Variants in CGNL1 observed in about 807,000 individuals in gnomAD.
The protein encoded by CGNL1 is cingulin like 1, also known as cingulin-like protein 1.
CGNL1 carries 132 observed loss-of-function variants against 141.2 expected under a neutral mutation model. The observed-to-expected ratio is 0.93, with a 90% CI of 0.81 to 1.08. The LOEUF (loss-of-function observed/expected upper bound fraction) is 1.08, where lower values mean the gene tolerates loss of function less well. Among genes scored for constraint, CGNL1 ranks in the 50% least tolerant of loss-of-function variants. The pLI is 0.00. For missense variants in CGNL1, 1,870 were observed against 1,588.6 expected, an observed-to-expected ratio of 1.18 and a Z score of -3.01; for synonymous variants, 690 against 622.1, an observed-to-expected ratio of 1.11 and a Z score of -1.63.
chr15:57,388,695 C>T (rs1165879693), intron 1 of CGNL1, among the ~76,000 whole-genome samples: 1 of 152,230 alleles, frequency 6.6e-6, no homozygotes, highest in African/African-American at 2.4e-5. Context: ...TGTTACTGGA[C>T]TCTGAAGAAA....
chr15:57,448,586 T>G lies in CGNL1; in HGVS notation c.1804-2914T>G, dbSNP rs2063285263. Reference sequence around the variant, plus strand: ...TTGTTTGAACCCAGAAGATAGAGGTTGCAGTGAGCCAAGATCTGGCCAATG... The same window carrying G: ...TTGTTTGAACCCAGAAGATAGAGGTGGCAGTGAGCCAAGATCTGGCCAATG... On this transcript the variant is annotated intron_variant, in intron 4 of 18. Transcript: ENST00000281282. Among the ~76,000 whole-genome samples, 3 of 151,898 alleles carry G rather than the reference T, an allele frequency of 2.0e-5. No homozygotes were observed. In the South Asian group the frequency reaches 6.2e-4, roughly 32 times the overall value.
rs759259304 is a variant in CGNL1, at chr15:57,438,521, G to A, written c.522G>A (p.Trp174Ter). 1 of 1,614,066 alleles carries A rather than the reference G, an allele frequency of 6.2e-7. No individual in the cohort carries two copies. The highest frequency in any genetic ancestry group is 8.5e-7 in the Non-Finnish European group (1 of 1,180,042). ...LQNHQPSESN[W>*]LKTLTEEGIN... is the part of the protein sequence containing the mutation. ...ATCACCAGCCTTCTGAGAGTAATTG[G>A]CTAAAAACGTTGACAGAAGAAGGCA... is the stretch of plus-strand genomic sequence containing the variant. The change falls in exon 2 of 19, where the codon TGG (tryptophan) becomes TGA (stop). Residue 174 changes from tryptophan (W) to a stop codon, truncating the protein, a stop_gained. Transcript: ENST00000281282. LOFTEE classifies it high-confidence loss of function.
intron 8 of CGNL1, among the ~76,000 whole-genome samples, chr15:57,493,949 A>G (rs1259321876): frequency 6.6e-6 from 1 of 152,262 alleles, no homozygotes. Context: ...CCCCAAGAGA[A>G]CCAGGCATCT....
chr15:57,416,781 G>A (rs2152277084), intron 1 of CGNL1, among the ~76,000 whole-genome samples: 1 of 152,270 alleles, frequency 6.6e-6, no homozygotes, highest in Middle Eastern at 3.4e-3. Context: ...CAAACCAGAT[G>A]AGTTCTAACA....
At chr15:57,491,551 G>A (rs1449988051) in intron 8 of CGNL1, among the ~76,000 whole-genome samples, 1 of 152,152 alleles carries the variant, frequency 6.6e-6, no homozygotes, top group East Asian at 1.9e-4. Flanking sequence ...ATGAAAGAAT[G>A]AGCCCTAGAA....
intron 8 of CGNL1, among the ~76,000 whole-genome samples, chr15:57,494,700 A>G (rs1259831806): frequency 6.6e-6 from 1 of 152,178 alleles, no homozygotes; most frequent in Non-Finnish European, 1.5e-5. Flanking sequence ...ATCCCAGAAC[A>G]ACTGGATTAT....
intron 16 of CGNL1, 58 bp from the exon 17 acceptor site, chr15:57,545,534 T>G: frequency 4.6e-6 from 7 of 1,506,190 alleles, no homozygotes; most frequent in Non-Finnish European, 4.5e-6. Context: ...CAGCCTAGGC[T>G]GGGCCCCCTG....
intron 8 of CGNL1, among the ~76,000 whole-genome samples, chr15:57,496,302 T>G (rs1323061299): frequency 2.0e-5 from 3 of 152,182 alleles, no homozygotes; most frequent in Non-Finnish European, 4.4e-5. Context: ...GACCTGATAT[T>G]TGGGTTGAGC....
intron 14 of CGNL1, among the ~76,000 whole-genome samples, chr15:57,533,409 G>C (rs2172614): frequency 0.12 from 18,603 of 152,200 alleles, 1,767 homozygotes; most frequent in East Asian, 0.45. Context: ...AATAAAAGCT[G>C]TTTTGTGATG....
chr15:57,397,506 A>G (rs962927547), intron 1 of CGNL1, among the ~76,000 whole-genome samples: 3 of 152,126 alleles, frequency 2.0e-5, no homozygotes, highest in Non-Finnish European at 4.4e-5. Context: ...TTTTTGATGT[A>G]CATTTTGTAA....
intron 1 of CGNL1, among the ~76,000 whole-genome samples, chr15:57,395,685 A>G (rs1441768079): frequency 1.3e-5 from 2 of 152,244 alleles, no homozygotes; most frequent in Non-Finnish European, 2.9e-5. Flanking sequence ...GCTGGGCACT[A>G]CGTTAAGCAC....
At chr15:57,463,598 G>C (rs8038763) in intron 8 of CGNL1, among the ~76,000 whole-genome samples, 2,704 of 152,304 alleles carry the variant, frequency 0.018, 85 homozygotes, top group African/African-American at 0.062. Context: ...GTTTGTTCCA[G>C]GTTGTTTTCT....
At chr15:57,439,783 T>C (rs1175764254) in intron 2 of CGNL1, among the ~76,000 whole-genome samples, 182 bp downstream of exon 2, 2 of 152,188 alleles carry the variant, frequency 1.3e-5, no homozygotes, top group African/African-American at 4.8e-5. Context: ...GCCAATTGTA[T>C]AGTTTTCTGG....
chr15:57,399,681 T>G (rs1225839450), intron 1 of CGNL1, among the ~76,000 whole-genome samples: 1 of 152,144 alleles, frequency 6.6e-6, no homozygotes, highest in Non-Finnish European at 1.5e-5. Flanking sequence ...CTGAGTTTTG[T>G]CTTCGGAGCG....
intron 8 of CGNL1, among the ~76,000 whole-genome samples, chr15:57,464,570 C>T (rs1490640760): frequency 1.3e-5 from 2 of 152,020 alleles, no homozygotes; most frequent in African/African-American, 4.8e-5. Context: ...CATGTAGTTC[C>T]TGTTGAATTT....
intron 14 of CGNL1, among the ~76,000 whole-genome samples, chr15:57,542,568 A>G (rs377206052): frequency 7.2e-5 from 11 of 152,324 alleles, no homozygotes; most frequent in Admixed American, 2.0e-4. Flanking sequence ...AGGAGTGTTC[A>G]GCCTTTGTCA....
intron 1 of CGNL1, among the ~76,000 whole-genome samples, chr15:57,384,016 C>T (rs2062455469): frequency 1.3e-5 from 2 of 149,242 alleles, no homozygotes; most frequent in South Asian, 2.1e-4. Flanking sequence ...GCCAGACTAG[C>T]TCAGCCCTAA....
intron 13 of CGNL1, among the ~76,000 whole-genome samples, chr15:57,529,559 A>ACAC (rs2031830903): frequency 6.5e-5 from 9 of 137,924 alleles, no homozygotes; most frequent in African/African-American, 2.6e-4. Flanking sequence ...AACCCCCAGA[A>ACAC]ACACACACAC....
At chr15:57,505,840 C>G (rs1485778016) in intron 8 of CGNL1, among the ~76,000 whole-genome samples, 1 of 152,166 alleles carries the variant, frequency 6.6e-6, no homozygotes, top group Non-Finnish European at 1.5e-5. Flanking sequence ...AGTTCTTGGC[C>G]TCAGCATTTG....
Sources: allele counts gnomAD v4.1 joint callset (sites outside exome capture counted in the v4.1 genomes callset), GRCh38; gene constraint gnomAD v4.1.1; transcripts MANE v1.5; gene names NCBI Gene and HGNC (gene_info 2026-07-23, HGNC 2026-07-21).